Variants in ZNF483 observed in about 807,000 individuals in gnomAD.
The protein encoded by ZNF483 is zinc finger protein 483.
In ZNF483, 9 loss-of-function variants were observed where a neutral mutation model predicts 28.6. The ratio of observed to expected loss-of-function variants is 0.32; its 90% CI spans 0.19 to 0.55. The LOEUF is 0.55. ZNF483 is among the 20% of genes least tolerant of loss of function. ZNF483 has a pLI of 0.93. For missense variants in ZNF483, 675 were observed against 871.7 expected (o/e 0.77, Z 2.84); for synonymous variants, 322 against 306.2 (o/e 1.05, Z -0.54).
chr9:111,532,164 A>C (rs936810409), intron 3 of ZNF483, among the ~76,000 whole-genome samples: 6 of 152,148 alleles, frequency 3.9e-5, no homozygotes, highest in African/African-American at 1.4e-4. Flanking sequence ...TTTAAAAATT[A>C]GCTGGGCATA....
intron 5 of ZNF483, among the ~76,000 whole-genome samples, chr9:111,569,507 G>T (rs1828714898): frequency 6.6e-6 from 1 of 152,186 alleles, no homozygotes; most frequent in Admixed American, 6.5e-5. Flanking sequence ...GCCAGGTGCG[G>T]TGGCTCACAA....
intron 5 of ZNF483, chr9:111,562,771 C>G (rs1244410431): frequency 4.3e-6 from 1 of 231,594 alleles, no homozygotes; most frequent in African/African-American, 2.3e-5. Context: ...TCCACAGGCC[C>G]CAGCGTGTGT....
At position 111,527,823 on chromosome 9, in the gene ZNF483, G is replaced by T. The variant is rs1250107701; in HGVS notation, c.412+16G>T. ...GAAGAAAAAGGTGAGATTTATAGAT[G>T]GAGGGAGGAAGCGGGAGACATTGCC... is the stretch of plus-strand genomic sequence containing the variant. On this transcript the variant is annotated intron_variant, in intron 2 of 5. Transcript: ENST00000309235. The T allele has an allele frequency of 6.2e-7, 1 of 1,614,078 alleles. No individual in the cohort carries two copies.
intron 5 of ZNF483, among the ~76,000 whole-genome samples, chr9:111,539,251 AAACTCACTGGCT>A (rs1388405074): frequency 1.3e-5 from 2 of 152,238 alleles, no homozygotes; most frequent in Non-Finnish European, 2.9e-5. Flanking sequence ...AAAAATGTTC[AAACTCACTGGCT>A]AACAATGCAG....
At position 111,544,243 on chromosome 9, in the gene ZNF483, A is replaced by T; in HGVS notation, c.*1073A>T. 1 of 985,392 alleles carries T rather than the reference A, an allele frequency of 1.0e-6. No homozygotes were observed. The highest frequency in any genetic ancestry group is 1.2e-6 in the Non-Finnish European group (1 of 829,938). 61.0% of individuals were successfully genotyped at this position (985,392 alleles called of 1,614,324 possible). A position where few individuals can be genotyped will look rare whatever the true frequency, so the allele number is the denominator to read the frequency against. ...TTTGGTTTGCAAAAATTCTACTTTAAAACAATTTTGCCTGTAGCAAGTACA... is the reference window on the plus strand; with the variant it reads ...TTTGGTTTGCAAAAATTCTACTTTATAACAATTTTGCCTGTAGCAAGTACA... On this transcript the variant is annotated 3_prime_UTR_variant, in exon 6 of 6. Transcript: ENST00000309235.
At chr9:111,567,043 G>C (rs1001897754) in intron 5 of ZNF483, among the ~76,000 whole-genome samples, 6 of 151,494 alleles carry the variant, frequency 4.0e-5, no homozygotes, top group Non-Finnish European at 7.4e-5. Flanking sequence ...CCATGATCAC[G>C]GCACTGCACT....
chr9:111,525,434 C>T (rs1021184483), intron 1 of ZNF483, among the ~76,000 whole-genome samples, 172 bp downstream of exon 1: 22 of 152,298 alleles, frequency 1.4e-4, no homozygotes, highest in African/African-American at 4.6e-4. Context: ...CTGTTGGCTT[C>T]CCTCCATCCC....
chr9:111,536,833 G>A (rs1489098603), intron 5 of ZNF483, among the ~76,000 whole-genome samples: 1 of 151,974 alleles, frequency 6.6e-6, no homozygotes, highest in Non-Finnish European at 1.5e-5. Context: ...TATGTTATGT[G>A]TTTTTTATAC....
At chr9:111,559,191 C>A (rs1381930091), downstream of ZNF483, among the ~76,000 whole-genome samples, 2 of 152,162 alleles carry the variant, frequency 1.3e-5, no homozygotes, top group Non-Finnish European at 2.9e-5. Flanking sequence ...GTCACTCACT[C>A]GCACGTGATA....
rs1270114488 is a variant in ZNF483, at chr9:111,547,751, A to T, written c.*4581A>T. 6.6e-6 allele frequency among the ~76,000 whole-genome samples: 1 copy of T among 152,070 alleles called. No individual in the cohort carries two copies. Among genetic ancestry groups the T allele is most frequent in the African/African-American group, 2.4e-5 (1 of 41,414 alleles). ...TGTCATGAAGCTTTTCTCCTATTCT[A>T]GGAGTTTTATAGTTTCAGGTCTTAT... is the stretch of plus-strand genomic sequence containing the variant. On this transcript the variant is annotated 3_prime_UTR_variant, in exon 6 of 6. Transcript: ENST00000309235.
Position 111,542,713 on chromosome 9 carries a change from G to A in ZNF483, c.1778G>A (p.Cys593Tyr). Residue 593 changes from cysteine (C) to tyrosine (Y), a missense_variant, in exon 6 of 6, where the codon TGC (cysteine) becomes TAC (tyrosine). Physicochemically the swap from Cys to Tyr is radical, Grantham distance 194 (BLOSUM62 -2). Coordinates refer to ENST00000309235, the MANE Select transcript of ZNF483 (RefSeq NM_133464.5). This position sits in a 1 kb window ranked among gnomAD's most constrained non-coding sequence, Gnocchi z 6.2. ...GGAAAAGCCTTTAGGCAGAATTCAT[G>A]CCTTACCCGGCATCAGAGAATTCAC... The part of the protein sequence containing the change: ...ECGKAFRQNS[C>Y]LTRHQRIHTG... 1 of 1,613,652 alleles carries A rather than the reference G, an allele frequency of 6.2e-7. No individual in the cohort carries two copies. Among genetic ancestry groups the A allele is most frequent in the Non-Finnish European group, 8.5e-7 (1 of 1,179,888 alleles).
rs1359666652 is a variant in ZNF483, at chr9:111,543,553, G to A, written c.*383G>A. 2.0e-6 allele frequency: 2 copies of A among 995,850 alleles called. No individual in the cohort carries two copies. Among genetic ancestry groups the A allele is most frequent in the Non-Finnish European group, 2.4e-6 (2 of 837,256 alleles). The allele number at this position is 995,850 out of a possible 1,614,324, so 61.7% of individuals were successfully genotyped here. On this transcript the variant is annotated 3_prime_UTR_variant, in exon 6 of 6. Coordinates refer to ENST00000309235, the MANE Select transcript of ZNF483 (RefSeq NM_133464.5). ...AACTTGCTGTATACACCTTGGACAA[G>A]TCATTTGACCTTTCAGAATTTTATT...
Position 111,538,718 on chromosome 9 carries a change from C to T in ZNF483, c.722-2939C>T, listed in dbSNP as rs543889810. ...CAATTATCTTACATAAAAGAAAATG[C>T]CTCATGTTGATACACAGCTTGTTTT... is the stretch of plus-strand genomic sequence containing the variant. On this transcript the variant is annotated intron_variant, in intron 5 of 5. Transcript: ENST00000309235. Among the ~76,000 whole-genome samples, 12 of 152,140 alleles carry T rather than the reference C, an allele frequency of 7.9e-5. No homozygotes were observed. In the South Asian group the frequency reaches 2.3e-3, roughly 29 times the overall value.
Position 111,550,709 on chromosome 9 carries a change from TC to T in ZNF483, c.*7540del, listed in dbSNP as rs2132278324. Among the ~76,000 whole-genome samples, 1 of 152,366 alleles carries T rather than the reference TC, an allele frequency of 6.6e-6. No individual in the cohort carries two copies. The highest frequency in any genetic ancestry group is 2.1e-4 in the South Asian group (1 of 4,826). ...TTTCTTGAAGATTTCTTCAACTTTA[TC>T]TTCCAGCTCTACTATTAAATGTTGT... On this transcript the variant is annotated 3_prime_UTR_variant, in exon 6 of 6. Transcript: ENST00000309235.
chr9:111,537,085 C>G (rs1827526005), intron 5 of ZNF483, among the ~76,000 whole-genome samples: 1 of 152,108 alleles, frequency 6.6e-6, no homozygotes, highest in Non-Finnish European at 1.5e-5. Context: ...TGTATGGGTC[C>G]CATGATGTTA....
intron 5 of ZNF483, among the ~76,000 whole-genome samples, 162 bp from the exon 6 acceptor site, chr9:111,541,495 G>A (rs1827669404): frequency 6.6e-6 from 1 of 152,072 alleles, no homozygotes; most frequent in Non-Finnish European, 1.5e-5. Flanking sequence ...TGTTTACATT[G>A]TTTCCCTATA....
intron 5 of ZNF483, among the ~76,000 whole-genome samples, chr9:111,570,603 C>A (rs1333221394): frequency 6.6e-6 from 1 of 150,490 alleles, no homozygotes; most frequent in African/African-American, 2.4e-5. Flanking sequence ...ACCCCCGTCT[C>A]TTCTAAAAAT....
At chr9:111,576,588 A>G (rs1829065263) in exon 6 of ZNF483, 1 of 655,438 alleles carries the variant, frequency 1.5e-6, no homozygotes, top group African/African-American at 1.8e-5. Context: ...AACACTTCTG[A>G]ACCTCCTTTT....
At chr9:111,561,110 T>TATATATAGAG (rs1457364862) in intron 5 of ZNF483, among the ~76,000 whole-genome samples, 12 of 19,186 alleles carry the variant, frequency 6.3e-4, no homozygotes, top group Non-Finnish European at 8.3e-4. Context: ...TATATATATA[T>TATATATAGAG]AGAGAGAGAG....
Sources: allele counts gnomAD v4.1 joint callset (sites outside exome capture counted in the v4.1 genomes callset), GRCh38; gene constraint gnomAD v4.1.1; non-coding constraint Gnocchi (gnomAD v3.1); transcripts MANE v1.5; gene names NCBI Gene and HGNC (gene_info 2026-07-23, HGNC 2026-07-21).